Variants in KIRREL1 observed in about 807,000 individuals in gnomAD.
KIRREL1 encodes kin of IRRE-like protein 1.
Under a neutral mutation model 83.3 loss-of-function variants are expected in KIRREL1, and 25 were observed. That is an observed-to-expected ratio of 0.30 (90% CI 0.22 to 0.42). KIRREL1 has a LOEUF of 0.42. Among genes scored for constraint, KIRREL1 ranks in the 10% least tolerant of loss-of-function variants. KIRREL1 has a pLI of 1.00. For synonymous variants in KIRREL1, 388 were observed against 410.4 expected, an observed-to-expected ratio of 0.95 and a Z score of 0.66; for missense variants, 812 against 1,032.3, an observed-to-expected ratio of 0.79 and a Z score of 2.92.
chr1:158,041,082 G>T (rs1395940737), intron 1 of KIRREL1, among the ~76,000 whole-genome samples: 1 of 152,178 alleles, frequency 6.6e-6, no homozygotes, highest in Non-Finnish European at 1.5e-5. Context: ...GCTATTATGT[G>T]CCAGGCACTC....
rs1662419604 is a variant in KIRREL1, at chr1:158,098,810, C to T, written c.*3690C>T. On this transcript the variant is annotated 3_prime_UTR_variant, in exon 15 of 15. Coordinates refer to ENST00000359209, the MANE Select transcript of KIRREL1 (RefSeq NM_018240.7). The stretch of plus-strand genomic sequence containing the variant: ...TCAAGCGGTACGCTCTCCCCTTATT[C>T]CAGCAGGGCTACTTTCCTCTTCACT... The T allele has an allele frequency of 6.6e-6, 1 of 152,238 alleles. No homozygotes were observed. The highest frequency in any genetic ancestry group is 2.1e-4 in the South Asian group (1 of 4,834). The allele number at this position is 152,238 out of a possible 1,614,324, so 9.4% of individuals were successfully genotyped here.
intron 1 of KIRREL1, among the ~76,000 whole-genome samples, chr1:158,024,268 GTATTTTT>G (rs1557992858): frequency 5.0e-5 from 4 of 80,436 alleles, no homozygotes; most frequent in African/African-American, 1.9e-4. Context: ...TGTTGTTGTT[GTATTTTT>G]TTTTTTTTTT....
chr1:158,093,544 C>G (rs1218390145), intron 12 of KIRREL1, 79 bp from the exon 13 acceptor site: 43 of 1,605,768 alleles, frequency 2.7e-5, no homozygotes, highest in Non-Finnish European at 3.6e-5. Flanking sequence ...CCCTTGAGCT[C>G]CAGCCCAGAG....
At chr1:158,034,895 A>C (rs900756105) in intron 1 of KIRREL1, among the ~76,000 whole-genome samples, 1 of 152,232 alleles carries the variant, frequency 6.6e-6, no homozygotes, top group African/African-American at 2.4e-5. Context: ...ATAAATGTGT[A>C]CTTTTTTTAT....
At chr1:158,071,334 CCTT>C (rs1480680215) in intron 1 of KIRREL1, among the ~76,000 whole-genome samples, 1 of 152,182 alleles carries the variant, frequency 6.6e-6, no homozygotes, top group African/African-American at 2.4e-5. Flanking sequence ...CCTCTGTCAG[CCTT>C]CTGGGTACGT....
intron 1 of KIRREL1, among the ~76,000 whole-genome samples, chr1:158,072,129 A>T (rs993383583): frequency 6.6e-6 from 1 of 151,458 alleles, no homozygotes; most frequent in Non-Finnish European, 1.5e-5. Flanking sequence ...TTTTTCAGGG[A>T]GCTTCCCAGG....
At chr1:158,066,646 G>A (rs1661365019) in intron 1 of KIRREL1, among the ~76,000 whole-genome samples, 1 of 152,180 alleles carries the variant, frequency 6.6e-6, no homozygotes, top group African/African-American at 2.4e-5. Context: ...CAGGGAGGCA[G>A]GTGCAGGGCC....
intron 1 of KIRREL1, among the ~76,000 whole-genome samples, chr1:157,996,266 T>G (rs925818581): frequency 5.9e-5 from 9 of 152,152 alleles, no homozygotes; most frequent in Non-Finnish European, 1.2e-4. Context: ...TGAAAACCAT[T>G]ATCCTTCCCC....
intron 3 of KIRREL1, among the ~76,000 whole-genome samples, chr1:158,082,796 C>T (rs1287431597): frequency 3.2e-4 from 48 of 151,910 alleles, no homozygotes; most frequent in Non-Finnish European, 8.8e-5. Flanking sequence ...AGCGAAACCT[C>T]GTCTCTACAA....
chr1:158,060,882 G>C (rs895609232), intron 1 of KIRREL1, among the ~76,000 whole-genome samples: 2 of 152,106 alleles, frequency 1.3e-5, no homozygotes, highest in East Asian at 1.9e-4. Context: ...GCACATTTAG[G>C]GGGTGGCTGG....
intron 1 of KIRREL1, among the ~76,000 whole-genome samples, chr1:158,003,894 C>T (rs529869282): frequency 5.9e-5 from 9 of 152,156 alleles, no homozygotes; most frequent in East Asian, 1.9e-4. Context: ...TGCAGAAAAT[C>T]GAGAGGGGAG....
rs1028854469 is a variant in KIRREL1, at chr1:158,009,382, T to C, written c.52+15654T>C. On this transcript the variant is annotated intron_variant, in intron 1 of 14. Transcript: ENST00000359209. ...GAGTCTCAATTTCTTCATTGGTAAA[T>C]GGGAATCTTGAAAAGACTGGTGACA... Among the ~76,000 whole-genome samples, 24 of 152,204 alleles carry C rather than the reference T, an allele frequency of 1.6e-4. 1 individual carries two copies. Among genetic ancestry groups the C allele is most frequent in the Admixed American group, 9.8e-4 (15 of 15,286 alleles).
chr1:158,047,143 A>G (rs1370230453), intron 1 of KIRREL1, among the ~76,000 whole-genome samples: 1 of 152,224 alleles, frequency 6.6e-6, no homozygotes, highest in African/African-American at 2.4e-5. Flanking sequence ...AATGGCTACA[A>G]GCTACAAAGA....
intron 1 of KIRREL1, among the ~76,000 whole-genome samples, chr1:158,001,796 C>T (rs1277531704): frequency 1.3e-5 from 2 of 152,066 alleles, no homozygotes; most frequent in Non-Finnish European, 2.9e-5. Context: ...TGATCCAGAA[C>T]GGCAGAATGG....
At chr1:157,994,637 G>C (rs1659141572) in intron 1 of KIRREL1, among the ~76,000 whole-genome samples, 1 of 151,956 alleles carries the variant, frequency 6.6e-6, no homozygotes, top group African/African-American at 2.4e-5. Flanking sequence ...TGTGGGAGTT[G>C]GTTCTTGCCT....
Position 158,094,621 on chromosome 1 carries a change from T to G in KIRREL1, c.1798-23T>G. The G allele has an allele frequency of 6.5e-7, 1 of 1,545,760 alleles. No homozygotes were observed. Among genetic ancestry groups the G allele is most frequent in the Non-Finnish European group, 8.8e-7 (1 of 1,136,736 alleles). On this transcript the variant is annotated intron_variant, in intron 14 of 14. Transcript: ENST00000359209. This position sits in a 1 kb window ranked among gnomAD's most constrained non-coding sequence, Gnocchi z 4.6. Reference sequence around the variant, plus strand: ...CACCCAAGAGGGAACACTGCCTCCATCCTCTTCTCTCATTGCCCCCAGGAC... The same window carrying G: ...CACCCAAGAGGGAACACTGCCTCCAGCCTCTTCTCTCATTGCCCCCAGGAC...
At chr1:158,082,205 G>A (rs1471562906) in intron 3 of KIRREL1, among the ~76,000 whole-genome samples, 1 of 152,060 alleles carries the variant, frequency 6.6e-6, no homozygotes, top group African/African-American at 2.4e-5. Flanking sequence ...CAGGCAGTAA[G>A]GCTAATACAT....
chr1:158,015,662 AT>A (rs948235440), intron 1 of KIRREL1, among the ~76,000 whole-genome samples: 1 of 152,094 alleles, frequency 6.6e-6, no homozygotes, highest in Non-Finnish European at 1.5e-5. Flanking sequence ...CTTCTGGTTC[AT>A]TTTTTTATGG....
intron 1 of KIRREL1, among the ~76,000 whole-genome samples, chr1:158,030,321 T>C (rs1660289437): frequency 6.6e-6 from 1 of 152,250 alleles, no homozygotes; most frequent in South Asian, 2.1e-4. Flanking sequence ...CACATACACA[T>C]GCCATTCAGA....
Sources: gnomAD v4.1 joint callset for allele counts (sites outside exome capture counted in the v4.1 genomes callset) on GRCh38, gnomAD v4.1.1 for gene constraint, Gnocchi (gnomAD v3.1) non-coding constraint, MANE v1.5 for transcripts, NCBI Gene and HGNC (gene_info 2026-07-23, HGNC 2026-07-21) for gene names.